NSUN7: variants seen among roughly 807,000 people sequenced by gnomAD.
NSUN7 encodes the protein protein NSUN7.
NSUN7 carries 39 observed loss-of-function variants against 58.5 expected under a neutral mutation model. The ratio of observed to expected loss-of-function variants is 0.67; its 90% confidence interval spans 0.52 to 0.87. The LOEUF is 0.87. Ranked by LOEUF, NSUN7 falls within the 40% of genes least tolerant of loss-of-function variation. The probability of loss-of-function intolerance (pLI) is 0.00; values close to 1 mark genes in which losing one functional copy is unlikely to be tolerated. For synonymous variants in NSUN7, 278 were observed against 303.7 expected (o/e 0.92, Z 0.88); for missense variants, 765 against 844.1 (o/e 0.91, Z 1.16).
chr4:40,785,490 G>C (rs932923028), intron 7 of NSUN7, among the ~76,000 whole-genome samples: 1 of 152,142 alleles, frequency 6.6e-6, no homozygotes, highest in Admixed American at 6.5e-5. Context: ...CTCCCAAGTA[G>C]TTGGGATTAC....
At chr4:40,759,707 A>G (rs888376106) in intron 2 of NSUN7, among the ~76,000 whole-genome samples, 2 of 152,232 alleles carry the variant, frequency 1.3e-5, no homozygotes, top group Non-Finnish European at 2.9e-5. Flanking sequence ...TTATAGACCA[A>G]CATCCCTCAT....
At chr4:40,760,575 G>C in intron 3 of NSUN7, 83 bp downstream of exon 3, 1 of 1,178,034 alleles carries the variant, frequency 8.5e-7, no homozygotes, top group African/African-American at 1.6e-5. Context: ...GATTTAAATA[G>C]TTTGAGGCCG....
At chr4:40,759,067 T>C (rs1741313450) in intron 2 of NSUN7, among the ~76,000 whole-genome samples, 1 of 152,146 alleles carries the variant, frequency 6.6e-6, no homozygotes, top group African/African-American at 2.4e-5. Context: ...CCCAGCACTT[T>C]GGGAGGCCGA....
intron 1 of NSUN7, 144 bp downstream of exon 1, chr4:40,750,444 C>CT (rs145071809): frequency 0.012 from 3,314 of 270,880 alleles, 26 homozygotes; most frequent in African/African-American, 0.03. Context: ...CCCCTCCTCG[C>CT]TTTTTTTTTT....
intron 4 of NSUN7, 32 bp downstream of exon 4, chr4:40,761,333 TGA>T: frequency 6.4e-7 from 1 of 1,564,950 alleles, no homozygotes; most frequent in South Asian, 1.1e-5. Context: ...ATGTTTTATA[TGA>T]AACCTACATT....
chr4:40,808,028 TCAA>T (rs1199805902), intron 11 of NSUN7, among the ~76,000 whole-genome samples: 2 of 41,914 alleles, frequency 4.8e-5, no homozygotes, highest in African/African-American at 2.7e-4. Context: ...AGACTCCATC[TCAA>T]AAAAAAAAAA....
Position 40,774,916 on chromosome 4 carries a change from T to C in NSUN7, c.791T>C (p.Ile264Thr), listed in dbSNP as rs967957283. The C allele has an allele frequency of 4.7e-5, 57 of 1,225,268 alleles. No individual in the cohort carries two copies. The highest frequency in any genetic ancestry group is 6.2e-5 in the Non-Finnish European group (52 of 837,386). 75.9% of individuals were successfully genotyped at this position (1,225,268 alleles called of 1,614,324 possible). ...CATCTTAAAAATGATCTTATAAATA[T>C]AGATCTTTTCAAAGATTACAAACTT... Reference protein sequence around the residue: ...PSHLKNDLINIDLFKDYKLIF... With the variant: ...PSHLKNDLINTDLFKDYKLIF... Residue 264 changes from isoleucine to threonine, a missense_variant, in exon 6 of 12, where the codon ATA (isoleucine) becomes ACA (threonine). Transcript: ENST00000381782.
At chr4:40,794,540 C>A in intron 9 of NSUN7, 64 bp downstream of exon 9, 1 of 976,394 alleles carries the variant, frequency 1.0e-6, no homozygotes, top group Non-Finnish European at 1.6e-6. Flanking sequence ...ATTAGTCTTT[C>A]ACGATCTATT....
chr4:40,786,002 G>T (rs1401943879), intron 7 of NSUN7: 7 of 1,400,654 alleles, frequency 5.0e-6, no homozygotes, highest in Non-Finnish European at 6.7e-6. Flanking sequence ...GCTGAGTGAA[G>T]AAGAGGGAAG....
In NSUN7 at chr4:40,761,239, T is replaced by C; in HGVS notation, c.426T>C (p.Arg142=). The C allele has an allele frequency of 6.3e-7, 1 of 1,591,544 alleles. No individual in the cohort carries two copies. The highest frequency in any genetic ancestry group is 2.3e-5 in the East Asian group (1 of 44,260). ...TCCAAGATAGAAAATTTCAAACTCG[T>C]GTCCTTTCTGATAATGAAGAGCCCA... is the stretch of plus-strand genomic sequence containing the variant. The part of the protein sequence containing the change: ...YDFQDRKFQT[R]VLSDNEEPIS... The change falls in exon 4 of 12, where the codon CGT becomes CGC. Residue 142 remains arginine, a synonymous_variant. Coordinates refer to ENST00000381782, the MANE Select transcript of NSUN7 (RefSeq NM_024677.6).
chr4:40,760,720 G>A (rs1190733359), intron 3 of NSUN7, among the ~76,000 whole-genome samples: 1 of 152,042 alleles, frequency 6.6e-6, no homozygotes, highest in Non-Finnish European at 1.5e-5. Context: ...AATTAGCTGG[G>A]TGTGGTGGCA....
intron 7 of NSUN7, chr4:40,786,835 G>C (rs1742847315): frequency 1.0e-6 from 1 of 987,596 alleles, no homozygotes; most frequent in Admixed American, 2.7e-5. Context: ...TTAAAGCTTT[G>C]TTTTGTTGAA....
intron 7 of NSUN7, among the ~76,000 whole-genome samples, chr4:40,778,093 T>G (rs78776174): frequency 0.29 from 43,878 of 152,058 alleles, 6,720 homozygotes; most frequent in Non-Finnish European, 0.34. Context: ...GAAATGAAGA[T>G]ACAATGAGTG....
chr4:40,753,195 C>T (rs1387700619), intron 2 of NSUN7, among the ~76,000 whole-genome samples: 2 of 151,922 alleles, frequency 1.3e-5, no homozygotes, highest in East Asian at 1.9e-4. Flanking sequence ...GATTGTATTA[C>T]AGTGATATGT....
chr4:40,776,127 G>T lies in NSUN7; in HGVS notation c.904G>T (p.Gly302Cys). ...MDDDVLMVNT[G>C]SWYTVSHMSI... ...TGATGATGTCTTAATGGTCAATACA[G>T]GCTCATGGTACACAGTTTCCCACAT... The change falls in exon 7 of 12, where the codon GGC (glycine) becomes TGC (cysteine). Residue 302 changes from glycine to cysteine, a missense_variant. Physicochemically the swap from Gly to Cys is radical, Grantham distance 159 (BLOSUM62 -3). Coordinates refer to ENST00000381782, the MANE Select transcript of NSUN7 (RefSeq NM_024677.6). 6.2e-7 allele frequency: 1 copy of T among 1,608,996 alleles called. No individual in the cohort carries two copies. The highest frequency in any genetic ancestry group is 8.5e-7 in the Non-Finnish European group (1 of 1,176,076).
chr4:40,759,430 T>G (rs1225542556), intron 2 of NSUN7, among the ~76,000 whole-genome samples: 1 of 152,230 alleles, frequency 6.6e-6, no homozygotes, highest in Non-Finnish European at 1.5e-5. Flanking sequence ...TCCACTTGTT[T>G]CTACGTAACC....
chr4:40,792,753 T>G (rs1027466418), intron 8 of NSUN7, among the ~76,000 whole-genome samples: 1 of 99,574 alleles, frequency 1.0e-5, no homozygotes, highest in Non-Finnish European at 2.0e-5. Context: ...CCATCTCATT[T>G]AAAAAAAAAA....
At chr4:40,808,193 TC>T in intron 11 of NSUN7, 113 bp from the exon 12 acceptor site, 1 of 1,191,830 alleles carries the variant, frequency 8.4e-7, no homozygotes, top group Non-Finnish European at 1.2e-6. Context: ...ATTTCTTATT[TC>T]TTTTAGTATA....
chr4:40,773,985 AT>A (rs1742141374), intron 4 of NSUN7, among the ~76,000 whole-genome samples: 1 of 151,998 alleles, frequency 6.6e-6, no homozygotes, highest in Non-Finnish European at 1.5e-5. Context: ...TTTAGTAGAG[AT>A]GGGGTTTCCC....
Sources: allele counts gnomAD v4.1 joint callset (sites outside exome capture counted in the v4.1 genomes callset), GRCh38; gene constraint gnomAD v4.1.1; transcripts MANE v1.5; gene names NCBI Gene and HGNC (gene_info 2026-07-23, HGNC 2026-07-21).